STOML3: variants seen among roughly 807,000 people sequenced by gnomAD.
The protein encoded by STOML3 is stomatin like 3.
In STOML3, 31 loss-of-function variants were observed where a neutral mutation model predicts 29.5. The observed-to-expected ratio is 1.05, with a 90% confidence interval of 0.79 to 1.42. The LOEUF is 1.42. Among genes scored for constraint, STOML3 ranks in the 40% most tolerant of loss-of-function variants. The pLI is 0.00. For synonymous variants in STOML3, 122 were observed against 139.8 expected (o/e 0.87, Z 0.90); for missense variants, 380 against 363.0 (o/e 1.05, Z -0.38).
intron 1 of STOML3, among the ~76,000 whole-genome samples, chr13:38,987,815 A>G (rs1290950990): frequency 3.1e-5 from 3 of 96,200 alleles, no homozygotes; most frequent in Non-Finnish European, 5.7e-5. Context: ...TATATAATAT[A>G]TTATATTTTA....
chr13:38,970,175 G>C lies in STOML3; in HGVS notation c.516+10C>G. ...TAAAGATACAGGCTATTAGTTCATG[G>C]TGTCTTTACCTGGATGCTATGGGCG... On this transcript the variant is annotated intron_variant, in intron 5 of 6. Coordinates refer to ENST00000379631, the MANE Select transcript of STOML3 (RefSeq NM_145286.3). The C allele has an allele frequency of 1.2e-6, 2 of 1,606,568 alleles. No homozygotes were observed. Among genetic ancestry groups the C allele is most frequent in the Non-Finnish European group, 1.7e-6 (2 of 1,174,910 alleles).
At position 38,976,774 on chromosome 13, in the gene STOML3, C is replaced by T. The variant is rs779011700; in HGVS notation, c.76G>A (p.Val26Ile). ...FVGVNNKRLG[V>I]CGWILFSLSF... ...AGGGAAAACAGGATCCAGCCACATA[C>T]ACCAAGCCGTTTATTGTTGACACCT... Residue 26 changes from valine (V) to isoleucine (I), a missense_variant, in exon 2 of 7, where the codon GTA becomes ATA. Transcript: ENST00000379631. 9.3e-6 allele frequency: 15 copies of T among 1,613,832 alleles called. No individual in the cohort carries two copies. Among genetic ancestry groups the T allele is most frequent in the Non-Finnish European group, 1.3e-5 (15 of 1,179,872 alleles).
intron 6 of STOML3, among the ~76,000 whole-genome samples, 198 bp downstream of exon 6, chr13:38,968,202 A>T (rs1362844293): frequency 6.6e-6 from 1 of 152,176 alleles, no homozygotes; most frequent in Non-Finnish European, 1.5e-5. Context: ...TTAACCCAAG[A>T]CCTGCTACCA....
intron 3 of STOML3, among the ~76,000 whole-genome samples, chr13:38,975,055 C>A (rs187294412): frequency 6.6e-6 from 1 of 152,010 alleles, no homozygotes; most frequent in Non-Finnish European, 1.5e-5. Context: ...GGCTGCTGGG[C>A]GTGGTGGCTC....
Position 38,976,812 on chromosome 13 carries a change from G to A in STOML3, c.53-15C>T. On this transcript the variant is annotated splice_polypyrimidine_tract_variant and intron_variant, in intron 1 of 6. Coordinates refer to ENST00000379631, the MANE Select transcript of STOML3 (RefSeq NM_145286.3). ...ATTGTTGACACCTAGGAAATGAGAA[G>A]GAAGCAAATATGTGATCAATGTGGT... 6.2e-7 allele frequency: 1 copy of A among 1,606,408 alleles called. No homozygotes were observed. The highest frequency in any genetic ancestry group is 1.1e-5 in the South Asian group (1 of 90,332).
At chr13:38,982,125 C>T (rs1881285836) in intron 1 of STOML3, among the ~76,000 whole-genome samples, 1 of 151,958 alleles carries the variant, frequency 6.6e-6, no homozygotes, top group South Asian at 2.1e-4. Flanking sequence ...ATGGATGAAT[C>T]TCAGAGATAT....
At chr13:38,968,269 A>G in intron 6 of STOML3, 131 bp downstream of exon 6, 1 of 1,341,358 alleles carries the variant, frequency 7.5e-7, no homozygotes, top group Non-Finnish European at 1.0e-6. Context: ...GAAAATTCTC[A>G]GTAAAACTGT....
intron 1 of STOML3, among the ~76,000 whole-genome samples, chr13:38,989,860 G>C (rs1258707268): frequency 6.6e-6 from 1 of 151,752 alleles, no homozygotes; most frequent in Non-Finnish European, 1.5e-5. Context: ...ATGTACTATG[G>C]CTTTTTTGGC....
intron 1 of STOML3, among the ~76,000 whole-genome samples, chr13:38,988,167 A>AT (rs1868720583): frequency 4.4e-5 from 4 of 90,100 alleles, no homozygotes; most frequent in African/African-American, 2.2e-4. Context: ...TTTTATATAT[A>AT]ATATATTATA....
intron 1 of STOML3, among the ~76,000 whole-genome samples, chr13:38,989,239 A>G (rs1214076995): frequency 6.6e-6 from 1 of 151,864 alleles, no homozygotes; most frequent in East Asian, 1.9e-4. Context: ...ATCGAAACCA[A>G]GAAAACTCAT....
At chr13:38,971,461 G>A (rs996239709) in intron 4 of STOML3, among the ~76,000 whole-genome samples, 3 of 152,092 alleles carry the variant, frequency 2.0e-5, no homozygotes, top group Admixed American at 6.6e-5. Context: ...GTTGATTTTC[G>A]TCTTCTTATC....
At chr13:38,977,852 C>T (rs552313714) in intron 1 of STOML3, among the ~76,000 whole-genome samples, 6 of 148,386 alleles carry the variant, frequency 4.0e-5, no homozygotes, top group Admixed American at 6.9e-5. Context: ...CTCCGCCTCC[C>T]GGGTTCGCGC....
At chr13:38,970,131 A>G (rs949372194) in intron 5 of STOML3, 54 bp downstream of exon 5, 2 of 1,514,478 alleles carry the variant, frequency 1.3e-6, no homozygotes. Context: ...ATAATCACTG[A>G]TAATTAAAAT....
At chr13:38,977,859 G>A (rs187851575) in intron 1 of STOML3, among the ~76,000 whole-genome samples, 19 of 143,974 alleles carry the variant, frequency 1.3e-4, no homozygotes, top group African/African-American at 3.3e-4. Context: ...TCCCGGGTTC[G>A]CGCCATTCTC....
At chr13:38,980,128 T>C (rs1230203280) in intron 1 of STOML3, 6 of 1,551,414 alleles carry the variant, frequency 3.9e-6, no homozygotes, top group Non-Finnish European at 5.2e-6. Context: ...CATTAGGTAA[T>C]AGACGTGCTG....
rs1593496546 is a variant in STOML3 at position 38,968,609 on chromosome 13, T to C, written c.517-75A>G. The C allele has an allele frequency of 2.6e-6, 4 of 1,526,088 alleles. No individual in the cohort carries two copies. In the East Asian group the frequency reaches 6.8e-5, roughly 26 times the overall value. The allele number at this position is 1,526,088 out of a possible 1,614,324, so 94.5% of individuals were successfully genotyped here. On this transcript the variant is annotated intron_variant, in intron 5 of 6. Transcript: ENST00000379631. ...TGTATGTTTCTGATATGTTTTATAC[T>C]TTCAAGATACATTTTTCTTTTTTTT...
chr13:38,977,750 A>ATT lies in STOML3; in HGVS notation c.53-955_53-954dup, dbSNP rs397851686. Among the ~76,000 whole-genome samples, 435 of 84,242 alleles carry ATT rather than the reference A, an allele frequency of 5.2e-3. 30 individuals are homozygous for ATT. The highest frequency in any genetic ancestry group is 0.013 in the Middle Eastern group (2 of 150). 55.3% of individuals were successfully genotyped at this position (84,242 alleles called of 152,430 possible). Reference sequence around the variant, plus strand: ...ATTATATAATTTCTGAAGTCTCCGGATTTTTTTTTTTTTTTTTTTTTTTTT... The same window carrying ATT: ...ATTATATAATTTCTGAAGTCTCCGGATTTTTTTTTTTTTTTTTTTTTTTTTTT... On this transcript the variant is annotated intron_variant, in intron 1 of 6. Transcript: ENST00000379631.
At chr13:38,978,264 C>T (rs1002507597) in intron 1 of STOML3, among the ~76,000 whole-genome samples, 1 of 152,142 alleles carries the variant, frequency 6.6e-6, no homozygotes, top group Admixed American at 6.5e-5. Context: ...AGTAATTCTC[C>T]TGCCTCAGTC....
Position 38,988,268 on chromosome 13 carries a change from ATT to A in STOML3, c.52+2400_52+2401del, listed in dbSNP as rs1868743001. Among the ~76,000 whole-genome samples, 2 of 83,402 alleles carry A rather than the reference ATT, an allele frequency of 2.4e-5. 1 individual carries two copies. Among genetic ancestry groups the A allele is most frequent in the Non-Finnish European group, 3.9e-5 (2 of 50,968 alleles). 54.7% of individuals were successfully genotyped at this position (83,402 alleles called of 152,430 possible). A position where few individuals can be genotyped will look rare whatever the true frequency, so the allele number is the denominator to read the frequency against. ...TAATATATTATATTTTATATCATAT[ATT>A]ATATATAAAATATATTATATTTTAT... On this transcript the variant is annotated intron_variant, in intron 1 of 6. Transcript: ENST00000379631.
Sources: gnomAD v4.1 joint callset for allele counts (sites outside exome capture counted in the v4.1 genomes callset) on GRCh38, gnomAD v4.1.1 for gene constraint, MANE v1.5 for transcripts, NCBI Gene and HGNC (gene_info 2026-07-23, HGNC 2026-07-21) for gene names.